The following FBXO31 variants were observed in gnomAD, a reference collection of about 807,000 sequenced individuals.
FBXO31 encodes F-box only protein 31.
FBXO31 carries 24 observed loss-of-function variants against 54.4 expected under a neutral mutation model. The ratio of observed to expected loss-of-function variants is 0.44; its 90% CI spans 0.32 to 0.62. FBXO31 has a LOEUF of 0.62. FBXO31 is among the 20% of genes least tolerant of loss of function. The probability of loss-of-function intolerance (pLI) is 0.05; values close to 1 mark genes in which losing one functional copy is unlikely to be tolerated. For missense variants in FBXO31, 665 were observed against 787.1 expected (o/e 0.84, Z 1.86); for synonymous variants, 388 against 335.6 (o/e 1.16, Z -1.71).
rs1904784909 is a variant in FBXO31, at chr16:87,329,821, A to AG, written c.*1466_*1467insC. On this transcript the variant is annotated 3_prime_UTR_variant, in exon 9 of 9. Transcript: ENST00000311635. Reference sequence around the variant, plus strand: ...TGCCAATTCTCTGACTCTGGGAAGCAAAGTAAGCATTTGCCAAATGCACTG... The same window carrying AG: ...TGCCAATTCTCTGACTCTGGGAAGCAGAAGTAAGCATTTGCCAAATGCACTG... 6.6e-6 allele frequency: 1 copy of AG among 152,252 alleles called. No individual in the cohort carries two copies. The allele number at this position is 152,252 out of a possible 1,614,324, so 9.4% of individuals were successfully genotyped here.
At chr16:87,369,359 C>T (rs931699082) in intron 1 of FBXO31, among the ~76,000 whole-genome samples, 1 of 152,144 alleles carries the variant, frequency 6.6e-6, no homozygotes, top group African/African-American at 2.4e-5. Flanking sequence ...CCAGCCCCGT[C>T]CTCGGCACCC....
At chr16:87,373,952 T>C (rs543409693) in intron 1 of FBXO31, among the ~76,000 whole-genome samples, 1 of 152,290 alleles carries the variant, frequency 6.6e-6, no homozygotes, top group South Asian at 2.1e-4. Context: ...AAACCCACTG[T>C]AAATATGAAG....
chr16:87,357,682 T>C (rs1223853620), intron 2 of FBXO31, among the ~76,000 whole-genome samples: 1 of 151,906 alleles, frequency 6.6e-6, no homozygotes, highest in African/African-American at 2.4e-5. Context: ...CGGTACCTCA[T>C]GCCTGTAATC....
chr16:87,357,257 G>A (rs1597370481), intron 2 of FBXO31, among the ~76,000 whole-genome samples: 1 of 151,632 alleles, frequency 6.6e-6, no homozygotes, highest in East Asian at 1.9e-4. Flanking sequence ...AAAAAAAAGT[G>A]GAGACAGCAT....
At chr16:87,390,629 T>G (rs1404285554), upstream of FBXO31, among the ~76,000 whole-genome samples, 1 of 151,676 alleles carries the variant, frequency 6.6e-6, no homozygotes, top group Non-Finnish European at 1.5e-5. Context: ...TTAGTAGAGA[T>G]GGGGGTTTCG....
At chr16:87,352,720 G>C (rs1905717046) in intron 2 of FBXO31, among the ~76,000 whole-genome samples, 3 of 152,220 alleles carry the variant, frequency 2.0e-5, no homozygotes, top group Admixed American at 2.0e-4. Context: ...ATAATCTTTT[G>C]AGGTCAACTC....
intron 1 of FBXO31, among the ~76,000 whole-genome samples, chr16:87,371,642 A>G (rs1271067238): frequency 6.6e-6 from 1 of 152,256 alleles, no homozygotes; most frequent in Non-Finnish European, 1.5e-5. Flanking sequence ...GTTTTTTGAG[A>G]GGACACTCGT....
intron 2 of FBXO31, among the ~76,000 whole-genome samples, chr16:87,355,218 G>A (rs535608442): frequency 1.4e-4 from 22 of 152,244 alleles, no homozygotes; most frequent in Non-Finnish European, 2.6e-4. Context: ...TAAGATGTTG[G>A]GCCCACAGCG....
upstream of FBXO31, among the ~76,000 whole-genome samples, chr16:87,384,727 C>G (rs1403483256): frequency 6.6e-6 from 1 of 152,216 alleles, no homozygotes; most frequent in African/African-American, 2.4e-5. Context: ...CAGCGAGACC[C>G]TGTCTACAAA....
Position 87,383,380 on chromosome 16 carries a change from G to GC in FBXO31, c.340+24_340+25insG. 2 of 846,152 alleles carry GC rather than the reference G, an allele frequency of 2.4e-6. No individual in the cohort carries two copies. The highest frequency in any genetic ancestry group is 3.4e-6 in the Non-Finnish European group (2 of 580,334). The allele number at this position is 846,152 out of a possible 1,614,324, so 52.4% of individuals were successfully genotyped here. ...CTGGCAGGGACCCCCCGCCCCTCCC[G>GC]GCCCCGCCACCCCCGCGCGCTCACC... On this transcript the variant is annotated intron_variant, in intron 1 of 8. Transcript: ENST00000311635. The surrounding 1 kb of genome is among the most constrained non-coding windows in gnomAD (Gnocchi z 4.9).
chr16:87,333,415 C>A (rs915227790), intron 8 of FBXO31, among the ~76,000 whole-genome samples: 1 of 152,182 alleles, frequency 6.6e-6, no homozygotes, highest in Non-Finnish European at 1.5e-5. Flanking sequence ...CGGGAGATGG[C>A]CAAAGGTGAC....
intron 2 of FBXO31, among the ~76,000 whole-genome samples, chr16:87,353,838 C>G (rs1005677935): frequency 6.6e-6 from 1 of 152,264 alleles, no homozygotes; most frequent in Non-Finnish European, 1.5e-5. Flanking sequence ...AACCTCTGGC[C>G]TCCAGCCTGT....
intron 2 of FBXO31, among the ~76,000 whole-genome samples, chr16:87,356,518 G>A (rs1905899084): frequency 6.6e-6 from 1 of 152,096 alleles, no homozygotes; most frequent in Non-Finnish European, 1.5e-5. Context: ...CCTCCACTCA[G>A]CTAGACAGTT....
At chr16:87,353,521 C>T in intron 2 of FBXO31, among the ~76,000 whole-genome samples, 1 of 152,230 alleles carries the variant, frequency 6.6e-6, no homozygotes, top group East Asian at 1.9e-4. Context: ...TCCGAGAAGA[C>T]AGAGACTCAG....
At chr16:87,379,363 A>G (rs980193469) in intron 1 of FBXO31, among the ~76,000 whole-genome samples, 1 of 152,202 alleles carries the variant, frequency 6.6e-6, no homozygotes, top group African/African-American at 2.4e-5. Flanking sequence ...TATAACCCTG[A>G]GGCAGAGGGC....
In FBXO31 at chr16:87,335,254, T is replaced by C; in HGVS notation, c.996+50A>G. On this transcript the variant is annotated intron_variant, in intron 7 of 8. Coordinates refer to ENST00000311635, the MANE Select transcript of FBXO31 (RefSeq NM_024735.5). This position sits in a 1 kb window ranked among gnomAD's most constrained non-coding sequence, Gnocchi z 5.7. ...CAAGTTCCCTGACTCCACAGCCCAC[T>C]TGGGCCAGGTGCCCCCAGAGCCCCA... The C allele has an allele frequency of 6.2e-7, 1 of 1,607,172 alleles. No individual in the cohort carries two copies. The highest frequency in any genetic ancestry group is 8.5e-7 in the Non-Finnish European group (1 of 1,179,626).
rs893517627 is a variant in FBXO31, at chr16:87,335,199, G to C, written c.996+105C>G. ...GCTGCAGGTGCAAGCCCACTCTGAGGAGCAAGGGTGCCGGGGATCAGTGTC... is the reference window on the plus strand; with the variant it reads ...GCTGCAGGTGCAAGCCCACTCTGAGCAGCAAGGGTGCCGGGGATCAGTGTC... On this transcript the variant is annotated intron_variant, in intron 7 of 8. Coordinates refer to ENST00000311635, the MANE Select transcript of FBXO31 (RefSeq NM_024735.5). This position sits in a 1 kb window ranked among gnomAD's most constrained non-coding sequence, Gnocchi z 5.7. The C allele has an allele frequency of 4.6e-6, 7 of 1,529,794 alleles. No individual in the cohort carries two copies. Among genetic ancestry groups the C allele is most frequent in the Non-Finnish European group, 1.8e-6 (2 of 1,120,810 alleles). 94.8% of individuals were successfully genotyped at this position (1,529,794 alleles called of 1,614,324 possible).
In FBXO31 at chr16:87,358,547, C is replaced by G. The variant is rs1194396180; in HGVS notation, c.412+1748G>C. ...GCTAAGGATGGCTCCCTTTACAGGA[C>G]TGTGCAAACAGCGTGAATACGACCC... On this transcript the variant is annotated intron_variant, in intron 2 of 8. Coordinates refer to ENST00000311635, the MANE Select transcript of FBXO31 (RefSeq NM_024735.5). The surrounding 1 kb of genome is among the most constrained non-coding windows in gnomAD (Gnocchi z 4.0). 1 of 152,702 alleles carries G rather than the reference C, an allele frequency of 6.5e-6. No homozygotes were observed. Among genetic ancestry groups the G allele is most frequent in the African/African-American group, 2.4e-5 (1 of 41,458 alleles). 9.5% of individuals were successfully genotyped at this position (152,702 alleles called of 1,614,324 possible).
upstream of FBXO31, among the ~76,000 whole-genome samples, chr16:87,386,820 A>T (rs988274033): frequency 2.0e-5 from 3 of 152,216 alleles, no homozygotes; most frequent in South Asian, 4.1e-4. Context: ...AATCTATTTT[A>T]ATATACCTTA....
Sources: allele counts gnomAD v4.1 joint callset (sites outside exome capture counted in the v4.1 genomes callset), GRCh38; gene constraint gnomAD v4.1.1; non-coding constraint Gnocchi (gnomAD v3.1); transcripts MANE v1.5; gene names NCBI Gene and HGNC (gene_info 2026-07-23, HGNC 2026-07-21).